The following CLNK variants were observed in gnomAD, a reference collection of about 807,000 sequenced individuals.
The protein encoded by CLNK is cytokine dependent hematopoietic cell linker, also known as cytokine-dependent hematopoietic cell linker.
Under a neutral mutation model 68.6 loss-of-function variants are expected in CLNK, and 74 were observed. The observed-to-expected ratio is 1.08, with a 90% CI of 0.89 to 1.31. The LOEUF is 1.31. Ranked by LOEUF, CLNK falls within the 50% of genes most tolerant of loss-of-function variation. The probability of loss-of-function intolerance (pLI) is 0.00; values close to 1 mark genes in which losing one functional copy is unlikely to be tolerated. For synonymous variants in CLNK, 198 were observed against 172.2 expected, an observed-to-expected ratio of 1.15 and a Z score of -1.17; for missense variants, 553 against 515.3, an observed-to-expected ratio of 1.07 and a Z score of -0.71.
chr4:10,544,118 C>A (rs1719137641), intron 8 of CLNK, among the ~76,000 whole-genome samples: 1 of 152,174 alleles, frequency 6.6e-6, no homozygotes, highest in African/African-American at 2.4e-5. Context: ...TAGATGTTGG[C>A]TTTCCAAGAG....
In CLNK at chr4:10,509,686, C is replaced by T. The variant is rs556862215; in HGVS notation, c.907-1650G>A. Among the ~76,000 whole-genome samples, 37 of 152,206 alleles carry T rather than the reference C, an allele frequency of 2.4e-4. No individual in the cohort carries two copies. The South Asian group carries it at 4.4e-3, about 18-fold the overall frequency. On this transcript the variant is annotated intron_variant, in intron 16 of 18. Transcript: ENST00000226951. Reference sequence around the variant, plus strand: ...ATTACAGGCATGTGGCCACCATGCCCGGCTAATTTTTGTATTTTTAGTAGA... The same window carrying T: ...ATTACAGGCATGTGGCCACCATGCCTGGCTAATTTTTGTATTTTTAGTAGA...
chr4:10,541,678 C>T (rs557129180), intron 10 of CLNK, among the ~76,000 whole-genome samples: 1 of 151,894 alleles, frequency 6.6e-6, no homozygotes, highest in East Asian at 1.9e-4. Flanking sequence ...TGAATCTAAG[C>T]CTGCCAGAAG....
chr4:10,707,102 GT>G, the CLNK span, among the ~76,000 whole-genome samples: 1 of 152,072 alleles, frequency 6.6e-6, no homozygotes, highest in Non-Finnish European at 1.5e-5. Context: ...TAACTCAAGC[GT>G]TTCTTGATAG....
intron 4 of CLNK, among the ~76,000 whole-genome samples, chr4:10,578,380 G>GGAT (rs1720649400): frequency 1.3e-5 from 2 of 151,918 alleles, no homozygotes. Flanking sequence ...CTTCAAGCTG[G>GGAT]GATCCCCTTC....
At chr4:10,651,775 T>C (rs1723747527) in intron 2 of CLNK, among the ~76,000 whole-genome samples, 1 of 152,086 alleles carries the variant, frequency 6.6e-6, no homozygotes, top group African/African-American at 2.4e-5. Context: ...TGATCAGAAT[T>C]CAAGTGTTGA....
In CLNK at chr4:10,564,683, C is replaced by T. The variant is rs373164763; in HGVS notation, c.387G>A (p.Thr129=). The T allele has an allele frequency of 2.0e-5, 32 of 1,611,188 alleles. No homozygotes were observed. Among genetic ancestry groups the T allele is most frequent in the East Asian group, 6.7e-5 (3 of 44,876 alleles). The change falls in exon 7 of 19, where the codon ACG becomes ACA. Residue 129 remains threonine (T), a synonymous_variant. Transcript: ENST00000226951. ...AGTCTTTACTCACTCTTTCCAACCT[C>T]GTCTGTGTGTTCCAGGTCGGCTGTC... ...SIGQPTWNTQ[T]RLERVDKPIS...
the CLNK span, among the ~76,000 whole-genome samples, chr4:10,715,623 T>C: frequency 2.0e-5 from 3 of 152,242 alleles, no homozygotes; most frequent in Non-Finnish European, 4.4e-5. Context: ...TTGTTGTCTT[T>C]GTTGTTTGTT....
chr4:10,669,575 T>C (rs1724546175), intron 1 of CLNK, among the ~76,000 whole-genome samples: 1 of 152,116 alleles, frequency 6.6e-6, no homozygotes. Flanking sequence ...TGGTAGTACA[T>C]GAAAAAGAAT....
chr4:10,505,244 C>G (rs1717244646), intron 17 of CLNK, among the ~76,000 whole-genome samples: 2 of 152,178 alleles, frequency 1.3e-5, no homozygotes, highest in Non-Finnish European at 2.9e-5. Flanking sequence ...ATCAGCCAAC[C>G]ACCCACGGCT....
At chr4:10,729,238 G>T in the CLNK span, among the ~76,000 whole-genome samples, 1 of 152,112 alleles carries the variant, frequency 6.6e-6, no homozygotes, top group Non-Finnish European at 1.5e-5. Flanking sequence ...CAGTCAGAAT[G>T]GCTATTACTA....
chr4:10,661,226 A>G (rs1724181015), intron 2 of CLNK, among the ~76,000 whole-genome samples: 1 of 152,190 alleles, frequency 6.6e-6, no homozygotes, highest in South Asian at 2.1e-4. Context: ...ATTCATACAC[A>G]CGAGAGAAAT....
chr4:10,660,599 G>A (rs1264527210), intron 2 of CLNK, among the ~76,000 whole-genome samples: 2 of 152,178 alleles, frequency 1.3e-5, no homozygotes, highest in Non-Finnish European at 2.9e-5. Context: ...AGACCATAAT[G>A]ATGAAAACTC....
At chr4:10,680,997 A>ATG (rs1263527638) in intron 1 of CLNK, among the ~76,000 whole-genome samples, 2 of 151,924 alleles carry the variant, frequency 1.3e-5, no homozygotes, top group Non-Finnish European at 2.9e-5. Flanking sequence ...ATATATATAT[A>ATG]TATATAAATT....
At chr4:10,725,948 G>T in the CLNK span, among the ~76,000 whole-genome samples, 1 of 152,342 alleles carries the variant, frequency 6.6e-6, no homozygotes, top group East Asian at 1.9e-4. Flanking sequence ...TTGTATCAAA[G>T]CAGCACAAAC....
the CLNK span, among the ~76,000 whole-genome samples, chr4:10,716,022 T>A: frequency 1.2e-3 from 187 of 152,322 alleles, 1 homozygote; most frequent in South Asian, 3.5e-3. Context: ...GAAAGTTTTT[T>A]AATAATATAT....
At chr4:10,548,379 A>T (rs191945472) in intron 8 of CLNK, among the ~76,000 whole-genome samples, 67 of 152,296 alleles carry the variant, frequency 4.4e-4, no homozygotes, top group African/African-American at 1.5e-3. Context: ...CAGTTGTATC[A>T]GTTCCTTGTC....
intron 2 of CLNK, among the ~76,000 whole-genome samples, chr4:10,623,742 G>A (rs1722549501): frequency 6.6e-6 from 1 of 152,228 alleles, no homozygotes; most frequent in South Asian, 2.1e-4. Context: ...TTGTTTAGAA[G>A]GGAAATAGGC....
At chr4:10,704,461 AT>A in the CLNK span, among the ~76,000 whole-genome samples, 160 of 150,982 alleles carry the variant, frequency 1.1e-3, no homozygotes, top group Admixed American at 1.6e-3. Flanking sequence ...TTTGAAAAAT[AT>A]TTTTTTTTTC....
chr4:10,695,666 A>G, the CLNK span, among the ~76,000 whole-genome samples: 3 of 152,220 alleles, frequency 2.0e-5, no homozygotes, highest in Non-Finnish European at 2.9e-5. Context: ...GTTTGCTTCC[A>G]TATCCCCACA....
Sources: gnomAD v4.1 joint callset for allele counts (sites outside exome capture counted in the v4.1 genomes callset) on GRCh38, gnomAD v4.1.1 for gene constraint, MANE v1.5 for transcripts, NCBI Gene and HGNC (gene_info 2026-07-23, HGNC 2026-07-21) for gene names.